MARCHF1: variants seen among roughly 807,000 people sequenced by gnomAD.
MARCHF1 encodes the protein E3 ubiquitin-protein ligase MARCHF1.
A neutral mutation model predicts 54.2 loss-of-function variants in MARCHF1; 40 were observed. The observed-to-expected ratio is 0.74, with a 90% CI of 0.57 to 0.96. MARCHF1 has a LOEUF of 0.96. Among genes scored for constraint, MARCHF1 ranks in the 40% least tolerant of loss-of-function variants. MARCHF1 has a pLI of 0.00. For synonymous variants in MARCHF1, 236 were observed against 236.3 expected, an observed-to-expected ratio of 1.00 and a Z score of 0.01; for missense variants, 586 against 656.5, an observed-to-expected ratio of 0.89 and a Z score of 1.17.
At chr4:164,279,049 C>T (rs1733957561) in intron 1 of MARCHF1, among the ~76,000 whole-genome samples, 1 of 151,036 alleles carries the variant, frequency 6.6e-6, no homozygotes, top group African/African-American at 2.4e-5. Flanking sequence ...GATTAGTATA[C>T]ATTTTAAATG....
At chr4:164,273,054 A>T (rs960898044) in intron 1 of MARCHF1, among the ~76,000 whole-genome samples, 2 of 146,384 alleles carry the variant, frequency 1.4e-5, no homozygotes, top group Non-Finnish European at 3.0e-5. Context: ...TAGTAAGATA[A>T]TTTTTTTTTT....
At chr4:164,199,631 G>GTCTCTC (rs1452646305) in intron 1 of MARCHF1, among the ~76,000 whole-genome samples, 86 of 97,956 alleles carry the variant, frequency 8.8e-4, no homozygotes, top group African/African-American at 3.6e-3. Context: ...GCAGGACTCT[G>GTCTCTC]TCACACACAC....
At chr4:163,654,503 T>G (rs1743072113) in intron 5 of MARCHF1, among the ~76,000 whole-genome samples, 1 of 151,712 alleles carries the variant, frequency 6.6e-6, no homozygotes, top group African/African-American at 2.4e-5. Flanking sequence ...CCTGAAATTT[T>G]GATAACTTTT....
chr4:163,625,581 A>G (rs1047343843), intron 5 of MARCHF1, among the ~76,000 whole-genome samples: 6 of 152,228 alleles, frequency 3.9e-5, no homozygotes, highest in Non-Finnish European at 5.9e-5. Context: ...AGAGATGACA[A>G]TCGCATCACA....
chr4:163,909,306 G>A (rs115626625), intron 3 of MARCHF1, among the ~76,000 whole-genome samples: 143 of 152,244 alleles, frequency 9.4e-4, no homozygotes, highest in African/African-American at 2.8e-3. Flanking sequence ...TAGCACTCCA[G>A]GATTCCGATT....
intron 4 of MARCHF1, among the ~76,000 whole-genome samples, chr4:163,719,305 T>A (rs1373441035): frequency 6.6e-6 from 1 of 152,138 alleles, no homozygotes; most frequent in Non-Finnish European, 1.5e-5. Context: ...CTTGCGATAG[T>A]TTGCTGAGAC....
At chr4:163,969,009 G>A (rs1186274610) in intron 3 of MARCHF1, among the ~76,000 whole-genome samples, 1 of 152,150 alleles carries the variant, frequency 6.6e-6, no homozygotes, top group Non-Finnish European at 1.5e-5. Context: ...AAGAAGCCAA[G>A]CTAAGCATTG....
intron 2 of MARCHF1, among the ~76,000 whole-genome samples, chr4:163,999,397 G>A (rs1416813018): frequency 6.6e-6 from 1 of 151,312 alleles, no homozygotes; most frequent in Non-Finnish European, 1.5e-5. Context: ...CAAAAAAGAT[G>A]GATATTAAAT....
At chr4:163,632,484 T>C (rs964269728) in intron 5 of MARCHF1, among the ~76,000 whole-genome samples, 16 of 151,922 alleles carry the variant, frequency 1.1e-4, no homozygotes, top group Non-Finnish European at 1.6e-4. Flanking sequence ...AAAGGGGTGA[T>C]GGACGGCACC....
chr4:164,136,481 C>T (rs1184300879), intron 1 of MARCHF1, among the ~76,000 whole-genome samples: 2 of 152,084 alleles, frequency 1.3e-5, no homozygotes, highest in Non-Finnish European at 2.9e-5. Context: ...TCAAGAGCCA[C>T]CTCTTTCTTG....
intron 2 of MARCHF1, among the ~76,000 whole-genome samples, chr4:164,099,039 G>A (rs1345766175): frequency 2.0e-5 from 3 of 152,132 alleles, no homozygotes; most frequent in Non-Finnish European, 4.4e-5. Context: ...GAAAATCATT[G>A]AACCTCAGTC....
At chr4:163,591,955 T>A (rs921303162) in intron 7 of MARCHF1, among the ~76,000 whole-genome samples, 3 of 151,866 alleles carry the variant, frequency 2.0e-5, no homozygotes, top group African/African-American at 7.3e-5. Context: ...GTAGTTAATA[T>A]CATTCAGACT....
At chr4:164,087,865 T>TA (rs1233101112) in intron 2 of MARCHF1, among the ~76,000 whole-genome samples, 1 of 151,732 alleles carries the variant, frequency 6.6e-6, no homozygotes, top group Non-Finnish European at 1.5e-5. Context: ...CTAAAATACA[T>TA]AAAACCCAGC....
Position 163,738,306 on chromosome 4 carries a change from C to T in MARCHF1, c.112-37443G>A, listed in dbSNP as rs144349544. 2.0e-5 allele frequency among the ~76,000 whole-genome samples: 3 copies of T among 152,276 alleles called. No homozygotes were observed. In the East Asian group the frequency reaches 5.8e-4, roughly 29 times the overall value. ...GTTTCCACCAAAGAACCAAAACCTT[C>T]TTTGGGGCCATTTGAACTACTTGGC... is the stretch of plus-strand genomic sequence containing the variant. On this transcript the variant is annotated intron_variant, in intron 4 of 9. Coordinates refer to ENST00000514618, the MANE Select transcript of MARCHF1 (RefSeq NM_001394959.1).
At chr4:163,557,843 T>C (rs1370711320) in intron 8 of MARCHF1, among the ~76,000 whole-genome samples, 1 of 152,204 alleles carries the variant, frequency 6.6e-6, no homozygotes. Flanking sequence ...AGCCAGGGGA[T>C]AGAAATTAAA....
At chr4:163,651,691 T>C (rs541156195) in intron 5 of MARCHF1, among the ~76,000 whole-genome samples, 1 of 151,994 alleles carries the variant, frequency 6.6e-6, no homozygotes, top group Admixed American at 6.6e-5. Flanking sequence ...ACCTAGGTTT[T>C]ATCATGATGT....
intron 3 of MARCHF1, among the ~76,000 whole-genome samples, chr4:163,899,467 C>T (rs1027335275): frequency 5.9e-5 from 9 of 152,054 alleles, no homozygotes; most frequent in Admixed American, 3.3e-4. Flanking sequence ...TCTTTGTGTC[C>T]TATTTCCACC....
intron 3 of MARCHF1, among the ~76,000 whole-genome samples, chr4:163,904,104 T>C (rs1199199219): frequency 6.6e-6 from 1 of 152,212 alleles, no homozygotes; most frequent in Non-Finnish European, 1.5e-5. Flanking sequence ...TACTTAACTG[T>C]GACTAATAAT....
intron 4 of MARCHF1, among the ~76,000 whole-genome samples, chr4:163,781,182 C>G (rs1207219393): frequency 1.3e-5 from 2 of 152,140 alleles, no homozygotes; most frequent in African/African-American, 4.8e-5. Flanking sequence ...GAAACCCCGT[C>G]TCTACTGAAA....
Sources: allele counts gnomAD v4.1 joint callset (sites outside exome capture counted in the v4.1 genomes callset), GRCh38; gene constraint gnomAD v4.1.1; transcripts MANE v1.5; gene names NCBI Gene and HGNC (gene_info 2026-07-23, HGNC 2026-07-21).